Variants in SPAG16 observed in about 807,000 individuals in gnomAD.
SPAG16 encodes sperm-associated antigen 16 protein.
A neutral mutation model predicts 80.4 loss-of-function variants in SPAG16; 86 were observed. That is an observed-to-expected ratio of 1.07 (90% CI 0.90 to 1.28). The LOEUF (loss-of-function observed/expected upper bound fraction) is 1.28, where lower values mean the gene tolerates loss of function less well. Ranked by LOEUF, SPAG16 falls within the 50% of genes most tolerant of loss-of-function variation. The pLI, the probability that SPAG16 is intolerant of heterozygous loss-of-function variation, is 0.00. For missense variants in SPAG16, 870 were observed against 765.3 expected, an observed-to-expected ratio of 1.14 and a Z score of -1.61; for synonymous variants, 294 against 265.9, an observed-to-expected ratio of 1.11 and a Z score of -1.03.
At chr2:213,359,264 C>G (rs567495672) in intron 7 of SPAG16, among the ~76,000 whole-genome samples, 2 of 152,212 alleles carry the variant, frequency 1.3e-5, no homozygotes, top group African/African-American at 2.4e-5. Context: ...TCCATCCATT[C>G]TCAGAGCTCG....
At chr2:213,870,841 A>G (rs566992544) in intron 11 of SPAG16, among the ~76,000 whole-genome samples, 2 of 152,160 alleles carry the variant, frequency 1.3e-5, no homozygotes, top group East Asian at 3.8e-4. Context: ...TAAAAAACCC[A>G]TAGGAATGCT....
At chr2:213,642,848 A>AAAAAAAAAAAAAAAAAAAAAAAAAAAAG (rs1559337090) in intron 10 of SPAG16, among the ~76,000 whole-genome samples, 1 of 137,176 alleles carries the variant, frequency 7.3e-6, no homozygotes, top group Non-Finnish European at 1.6e-5. Flanking sequence ...AAAAAAAAAA[A>AAAAAAAAAAAAAAAAAAAAAAAAAAAAG]AGAGAGACTG....
At chr2:213,672,379 T>C (rs2063843391) in intron 10 of SPAG16, among the ~76,000 whole-genome samples, 1 of 152,110 alleles carries the variant, frequency 6.6e-6, no homozygotes, top group African/African-American at 2.4e-5. Context: ...CCTTTCTTTC[T>C]TCCCTATTTC....
At chr2:213,724,194 G>A (rs980659514) in intron 10 of SPAG16, among the ~76,000 whole-genome samples, 3 of 152,178 alleles carry the variant, frequency 2.0e-5, no homozygotes, top group South Asian at 2.1e-4. Context: ...TCACTGGGAC[G>A]TTATAGAAGA....
At chr2:213,993,817 A>G (rs751021822) in intron 12 of SPAG16, among the ~76,000 whole-genome samples, 3 of 152,222 alleles carry the variant, frequency 2.0e-5, no homozygotes, top group Non-Finnish European at 4.4e-5. Context: ...GAAATAAAAC[A>G]GAGGTCTTAA....
At chr2:213,887,417 AT>A (rs2076601067) in intron 11 of SPAG16, among the ~76,000 whole-genome samples, 1 of 151,620 alleles carries the variant, frequency 6.6e-6, no homozygotes, top group Admixed American at 6.6e-5. Context: ...TGACTCTCAT[AT>A]CGTATTCGTC....
chr2:214,296,456 GAC>G (rs1694138728), intron 15 of SPAG16, among the ~76,000 whole-genome samples: 1 of 152,094 alleles, frequency 6.6e-6, no homozygotes, highest in Non-Finnish European at 1.5e-5. Flanking sequence ...TTAGTTATTT[GAC>G]ACATCTTCCT....
At chr2:213,364,259 C>T in intron 8 of SPAG16, 114 bp downstream of exon 8, 1 of 471,992 alleles carries the variant, frequency 2.1e-6, no homozygotes, top group Non-Finnish European at 3.5e-6. Context: ...GGCTATTTCA[C>T]AAATTAAAAT....
Position 214,310,131 on chromosome 2 carries a change from T to TTC in SPAG16, c.1721-100005_1721-100004dup, listed in dbSNP as rs549338964. On this transcript the variant is annotated intron_variant, in intron 15 of 15. Transcript: ENST00000331683. ...CTGCTGGAGTTACTGAGCTGATTCCTTCTCTTCTAAAGAAACCGTCATTTT... is the reference window on the plus strand; with the variant it reads ...CTGCTGGAGTTACTGAGCTGATTCCTTCTCTCTTCTAAAGAAACCGTCATTTT... Among the ~76,000 whole-genome samples the TTC allele has an allele frequency of 7.3e-4, 111 of 152,174 alleles. 1 individual carries two copies. The highest frequency in any genetic ancestry group is 1.2e-3 in the Non-Finnish European group (85 of 68,022).
chr2:213,902,136 G>A (rs867704527), intron 11 of SPAG16, among the ~76,000 whole-genome samples: 6 of 152,154 alleles, frequency 3.9e-5, no homozygotes, highest in South Asian at 4.1e-4. Flanking sequence ...TTTTCTGTAA[G>A]AACTGGATTC....
chr2:214,298,173 CACAT>C (rs1352550108), intron 15 of SPAG16, among the ~76,000 whole-genome samples: 1 of 148,890 alleles, frequency 6.7e-6, no homozygotes, highest in Non-Finnish European at 1.5e-5. Context: ...CACACACACA[CACAT>C]ATATATATAT....
chr2:214,357,089 T>G (rs1240891604), intron 15 of SPAG16, among the ~76,000 whole-genome samples: 1 of 151,922 alleles, frequency 6.6e-6, no homozygotes, highest in African/African-American at 2.4e-5. Context: ...ACTCTTATTA[T>G]GGAGATATCA....
At chr2:213,975,651 GA>G (rs1022213539) in intron 12 of SPAG16, among the ~76,000 whole-genome samples, 16 of 150,808 alleles carry the variant, frequency 1.1e-4, no homozygotes, top group East Asian at 3.9e-4. Flanking sequence ...TAATACATTA[GA>G]AAAAAAATGA....
chr2:213,471,682 G>A (rs1412001192), intron 9 of SPAG16, among the ~76,000 whole-genome samples: 3 of 152,314 alleles, frequency 2.0e-5, no homozygotes, highest in South Asian at 4.1e-4. Flanking sequence ...CCAAGTGGCA[G>A]AGCAGCTTGC....
intron 4 of SPAG16, among the ~76,000 whole-genome samples, chr2:213,311,638 C>T (rs934157046): frequency 6.6e-6 from 1 of 151,524 alleles, no homozygotes; most frequent in Admixed American, 6.6e-5. Flanking sequence ...TTTAGAATAT[C>T]GTGGTTCAAG....
intron 9 of SPAG16, among the ~76,000 whole-genome samples, chr2:213,479,656 GCAA>G (rs2073645653): frequency 6.6e-6 from 1 of 152,116 alleles, no homozygotes; most frequent in African/African-American, 2.4e-5. Flanking sequence ...GAACTGAGAG[GCAA>G]CAGGTGCTTT....
chr2:213,655,941 T>G (rs2063205518), intron 10 of SPAG16, among the ~76,000 whole-genome samples: 1 of 152,226 alleles, frequency 6.6e-6, no homozygotes, highest in Non-Finnish European at 1.5e-5. Context: ...TGTTATGGAA[T>G]TTCCTAGTCA....
At chr2:213,578,268 T>A (rs928380804) in intron 10 of SPAG16, among the ~76,000 whole-genome samples, 5 of 152,074 alleles carry the variant, frequency 3.3e-5, no homozygotes, top group African/African-American at 1.2e-4. Context: ...TCAATATTGA[T>A]GATTTAAGTT....
chr2:213,847,728 G>A (rs1397440520), intron 10 of SPAG16, among the ~76,000 whole-genome samples: 1 of 152,130 alleles, frequency 6.6e-6, no homozygotes, highest in Admixed American at 6.6e-5. Context: ...AGGACAACAG[G>A]ATCCAGGCAG....
Sources: allele counts gnomAD v4.1 joint callset (sites outside exome capture counted in the v4.1 genomes callset), GRCh38; gene constraint gnomAD v4.1.1; transcripts MANE v1.5; gene names NCBI Gene and HGNC (gene_info 2026-07-23, HGNC 2026-07-21).